Variants in LRRN1 observed in about 807,000 individuals in gnomAD.
LRRN1 encodes leucine rich repeat neuronal 1, also known as leucine-rich repeat neuronal protein 1.
A neutral mutation model predicts 45.8 loss-of-function variants in LRRN1; 14 were observed. The observed-to-expected ratio is 0.31, with a 90% CI of 0.20 to 0.48. LRRN1 has a LOEUF of 0.48. Among genes scored for constraint, LRRN1 ranks in the 20% least tolerant of loss-of-function variants. LRRN1 has a pLI of 0.99. For missense variants in LRRN1, 789 were observed against 874.2 expected (o/e 0.90, Z 1.23); for synonymous variants, 359 against 330.1 (o/e 1.09, Z -0.95).
chr3:3,834,690 C>T (rs1693468635), intron 1 of LRRN1, among the ~76,000 whole-genome samples: 1 of 150,510 alleles, frequency 6.6e-6, no homozygotes, highest in African/African-American at 2.4e-5. Context: ...AGCTGAGGAG[C>T]AAGGAGAACC....
intron 1 of LRRN1, among the ~76,000 whole-genome samples, chr3:3,832,890 C>G (rs1693400903): frequency 3.3e-5 from 5 of 152,186 alleles, no homozygotes; most frequent in Admixed American, 3.3e-4. Context: ...ATTAATTAGC[C>G]AATGGCAGAG....
At chr3:3,833,893 C>T (rs886898608) in intron 1 of LRRN1, among the ~76,000 whole-genome samples, 20 of 152,170 alleles carry the variant, frequency 1.3e-4, no homozygotes, top group Admixed American at 1.1e-3. Context: ...CCACACATCC[C>T]CATTCCAAGT....
At chr3:3,800,123 C>T (rs1357377226) in intron 1 of LRRN1, among the ~76,000 whole-genome samples, 1 of 132,340 alleles carries the variant, frequency 7.6e-6, no homozygotes, top group Non-Finnish European at 1.6e-5. Context: ...GCCCCGTTTC[C>T]CCCCGTCCCC....
At chr3:3,836,096 A>C (rs1693505571) in intron 1 of LRRN1, among the ~76,000 whole-genome samples, 1 of 152,216 alleles carries the variant, frequency 6.6e-6, no homozygotes. Flanking sequence ...CACTTAAAAA[A>C]AAAAATCTAT....
chr3:3,807,359 C>T (rs181665455), intron 1 of LRRN1, among the ~76,000 whole-genome samples: 133 of 152,272 alleles, frequency 8.7e-4, no homozygotes, highest in African/African-American at 2.3e-3. Flanking sequence ...TTTCTGTTTT[C>T]ATTGATTTTT....
At chr3:3,835,960 G>A (rs1693501219) in intron 1 of LRRN1, among the ~76,000 whole-genome samples, 3 of 151,842 alleles carry the variant, frequency 2.0e-5, no homozygotes, top group African/African-American at 7.3e-5. Context: ...GCCATGTTTT[G>A]TTAATTAAAG....
At chr3:3,831,226 A>C (rs1437939732) in intron 1 of LRRN1, among the ~76,000 whole-genome samples, 1 of 152,218 alleles carries the variant, frequency 6.6e-6, no homozygotes, top group Non-Finnish European at 1.5e-5. Context: ...TAGGCCCACT[A>C]GGCATTCTGC....
At position 3,844,297 on chromosome 3, in the gene LRRN1, A is replaced by G. The variant is rs543716330; in HGVS notation, c.-278-67A>G. On this transcript the variant is annotated intron_variant, in intron 1 of 1. Transcript: ENST00000319331. ...GAGTGACTATGCCTTTTTAGTAAAC[A>G]AAAGAAAGGCTATAATGTAGAAAGT... 8 of 185,342 alleles carry G rather than the reference A, an allele frequency of 4.3e-5. No homozygotes were observed. In the South Asian group the frequency reaches 5.2e-4, roughly 12 times the overall value. The allele number at this position is 185,342 out of a possible 1,614,324, so 11.5% of individuals were successfully genotyped here.
intron 1 of LRRN1, among the ~76,000 whole-genome samples, chr3:3,809,226 C>T (rs1343705628): frequency 2.6e-5 from 4 of 152,164 alleles, no homozygotes. Flanking sequence ...TCACTGCAGC[C>T]TCTGCCTCCG....
At position 3,846,115 on chromosome 3, in the gene LRRN1, G is replaced by T; in HGVS notation, c.1474G>T (p.Glu492Ter). The T allele has an allele frequency of 6.2e-7, 1 of 1,613,962 alleles. No individual in the cohort carries two copies. Among genetic ancestry groups the T allele is most frequent in the South Asian group, 1.1e-5 (1 of 91,072 alleles). Reference sequence around the variant, plus strand: ...CTTGGAAATATCTAACATACAAATTGAAGACTCAGGAAGATACACATGTGT... The same window carrying T: ...CTTGGAAATATCTAACATACAAATTTAAGACTCAGGAAGATACACATGTGT... The part of the protein sequence containing the change: ...GTLEISNIQI[E>*]DSGRYTCVAQ... The change falls in exon 2 of 2, where the codon GAA (glutamate) becomes TAA (stop). Residue 492 changes from glutamate to a stop codon, truncating the protein, a stop_gained. Coordinates refer to ENST00000319331, the MANE Select transcript of LRRN1 (RefSeq NM_020873.7). LOFTEE classifies it high-confidence loss of function. This position sits in a 1 kb window ranked among gnomAD's most constrained non-coding sequence, Gnocchi z 5.7.
chr3:3,848,991 G>C lies in LRRN1; in HGVS notation c.*2199G>C, dbSNP rs73806443. Among the ~76,000 whole-genome samples, 64 of 152,288 alleles carry C rather than the reference G, an allele frequency of 4.2e-4. No homozygotes were observed. Among genetic ancestry groups the C allele is most frequent in the Middle Eastern group, 6.8e-3 (2 of 294 alleles). Reference sequence around the variant, plus strand: ...GGGAAACACAGAGAATTGGAGCTGCGTTGAATGCAAACTTGAGGTGTTTCC... The same window carrying C: ...GGGAAACACAGAGAATTGGAGCTGCCTTGAATGCAAACTTGAGGTGTTTCC... On this transcript the variant is annotated 3_prime_UTR_variant, in exon 2 of 2. Coordinates refer to ENST00000319331, the MANE Select transcript of LRRN1 (RefSeq NM_020873.7).
intron 1 of LRRN1, among the ~76,000 whole-genome samples, chr3:3,806,682 G>C (rs1241606885): frequency 1.3e-5 from 2 of 152,176 alleles, no homozygotes; most frequent in Non-Finnish European, 2.9e-5. Context: ...AGCTGTCACT[G>C]CCTCATATTT....
At chr3:3,817,472 C>A (rs1048635182) in intron 1 of LRRN1, among the ~76,000 whole-genome samples, 1 of 152,136 alleles carries the variant, frequency 6.6e-6, no homozygotes, top group Admixed American at 6.6e-5. Flanking sequence ...CCTTGACTAG[C>A]GGGAACTTCT....
chr3:3,814,120 C>T (rs1043795877), intron 1 of LRRN1, among the ~76,000 whole-genome samples: 2 of 150,326 alleles, frequency 1.3e-5, no homozygotes, highest in Non-Finnish European at 3.0e-5. Flanking sequence ...CAACACCACC[C>T]GAATTCTAGC....
At chr3:3,841,973 T>C (rs1001187712) in intron 1 of LRRN1, among the ~76,000 whole-genome samples, 3 of 152,214 alleles carry the variant, frequency 2.0e-5, no homozygotes, top group South Asian at 2.1e-4. Flanking sequence ...GCAAATGTCA[T>C]AGAGTATACT....
rs1053078528 is a variant in LRRN1 at position 3,845,091 on chromosome 3, C to G, written c.450C>G (p.Ile150Met). 2 of 1,614,152 alleles carry G rather than the reference C, an allele frequency of 1.2e-6. No individual in the cohort carries two copies. Among genetic ancestry groups the G allele is most frequent in the Non-Finnish European group, 1.7e-6 (2 of 1,180,020 alleles). ...TCAGCAACCTTCAAGAACTCTACAT[C>G]AACCACAACCAAATTAGCACTATTT... ...QDLSNLQELY[I>M]NHNQISTISA... Residue 150 changes from isoleucine (I) to methionine (M), a missense_variant, in exon 2 of 2, where the codon ATC (isoleucine) becomes ATG (methionine). Ile to Met is a conservative substitution (Grantham distance 10). Coordinates refer to ENST00000319331, the MANE Select transcript of LRRN1 (RefSeq NM_020873.7). The surrounding 1 kb of genome is among the most constrained non-coding windows in gnomAD (Gnocchi z 6.5).
chr3:3,835,422 A>G (rs1340463658), intron 1 of LRRN1, among the ~76,000 whole-genome samples: 1 of 152,120 alleles, frequency 6.6e-6, no homozygotes, highest in Non-Finnish European at 1.5e-5. Flanking sequence ...CTGCTTTCAC[A>G]CCTTTGTAAA....
intron 1 of LRRN1, among the ~76,000 whole-genome samples, chr3:3,803,430 T>C (rs1692696112): frequency 6.6e-6 from 1 of 152,208 alleles, no homozygotes; most frequent in Non-Finnish European, 1.5e-5. Context: ...TTACTTAAAA[T>C]TTATTTTTAA....
At chr3:3,839,444 C>G (rs1329881301) in intron 1 of LRRN1, among the ~76,000 whole-genome samples, 1 of 152,060 alleles carries the variant, frequency 6.6e-6, no homozygotes, top group Non-Finnish European at 1.5e-5. Flanking sequence ...CAACATTGTT[C>G]TTTTTCAGGA....
Sources: allele counts gnomAD v4.1 joint callset (sites outside exome capture counted in the v4.1 genomes callset), GRCh38; gene constraint gnomAD v4.1.1; non-coding constraint Gnocchi (gnomAD v3.1); transcripts MANE v1.5; gene names NCBI Gene and HGNC (gene_info 2026-07-23, HGNC 2026-07-21).